The following CDH13 variants were observed in gnomAD, a reference collection of about 807,000 sequenced individuals.
The protein encoded by CDH13 is cadherin-13.
A neutral mutation model predicts 63.8 loss-of-function variants in CDH13; 24 were observed. The ratio of observed to expected loss-of-function variants is 0.38; its 90% CI spans 0.27 to 0.53. The LOEUF (loss-of-function observed/expected upper bound fraction) is 0.53, where lower values mean the gene tolerates loss of function less well. Ranked by LOEUF, CDH13 falls within the 20% of genes least tolerant of loss-of-function variation. The pLI is 0.85. For synonymous variants in CDH13, 503 were observed against 355.3 expected, an observed-to-expected ratio of 1.42 and a Z score of -4.67; for missense variants, 1,049 against 903.1, an observed-to-expected ratio of 1.16 and a Z score of -2.07.
In CDH13 at chr16:83,443,716, AAAAAAAAAAAAAAAAAAAAAT is replaced by A. The variant is rs1177404663; in HGVS notation, c.782-42759_782-42739del. 3.3e-3 allele frequency among the ~76,000 whole-genome samples: 308 copies of A among 92,968 alleles called. 3 individuals are homozygous for A. The highest frequency in any genetic ancestry group is 9.4e-3 in the South Asian group (26 of 2,756). The allele number at this position is 92,968 out of a possible 152,430, so 61.0% of individuals were successfully genotyped here. A position where few individuals can be genotyped will look rare whatever the true frequency, so the allele number is the denominator to read the frequency against. Reference sequence around the variant, plus strand: ...TGCGAAGTCCCTACGAAAAAAAAAAAAAAAAAAAAAAAAAAAAAAATATATATATATATATATATATATATA... The same window carrying A: ...TGCGAAGTCCCTACGAAAAAAAAAAAATATATATATATATATATATATATA... On this transcript the variant is annotated intron_variant, in intron 6 of 13. Coordinates refer to ENST00000567109, the MANE Select transcript of CDH13 (RefSeq NM_001257.5).
chr16:83,794,903 G>GAA (rs1904274821), intron 13 of CDH13, 120 bp from the exon 14 acceptor site: 6 of 886,982 alleles, frequency 6.8e-6, no homozygotes, highest in Middle Eastern at 2.1e-4. Context: ...TTCCCCCATA[G>GAA]TCGTGTGATG....
intron 13 of CDH13, among the ~76,000 whole-genome samples, chr16:83,793,065 G>A (rs1916378181): frequency 6.6e-6 from 1 of 152,168 alleles, no homozygotes; most frequent in African/African-American, 2.4e-5. Flanking sequence ...AGAAAAATGA[G>A]TACACAGCAC....
At chr16:83,032,335 GT>G in intron 3 of CDH13, 117 bp downstream of exon 3, 1 of 776,250 alleles carries the variant, frequency 1.3e-6, no homozygotes, top group Non-Finnish European at 2.0e-6. Context: ...TGTTATTGTT[GT>G]TGCAAATGAC....
chr16:83,043,646 G>T (rs1373739600), intron 3 of CDH13, among the ~76,000 whole-genome samples: 1 of 151,754 alleles, frequency 6.6e-6, no homozygotes, highest in African/African-American at 2.4e-5. Context: ...ATCACTTGAG[G>T]CCCGGAGTTT....
At chr16:82,880,280 T>C (rs879314241) in intron 2 of CDH13, among the ~76,000 whole-genome samples, 10 of 152,132 alleles carry the variant, frequency 6.6e-5, no homozygotes, top group Non-Finnish European at 1.3e-4. Context: ...AAACCGGCTT[T>C]CAGCAAGCTA....
At chr16:83,134,930 G>T (rs2036217295) in intron 4 of CDH13, among the ~76,000 whole-genome samples, 1 of 152,042 alleles carries the variant, frequency 6.6e-6, no homozygotes, top group South Asian at 2.1e-4. Flanking sequence ...CACCCTTTCG[G>T]TTCTCCATTT....
intron 10 of CDH13, among the ~76,000 whole-genome samples, chr16:83,701,287 A>T (rs1250793365): frequency 1.3e-5 from 2 of 152,230 alleles, no homozygotes; most frequent in Admixed American, 1.3e-4. Context: ...GGGCAGCCGA[A>T]TGGGGCCATC....
chr16:83,746,816 G>T (rs1047174878), intron 10 of CDH13, among the ~76,000 whole-genome samples: 1 of 152,184 alleles, frequency 6.6e-6, no homozygotes, highest in African/African-American at 2.4e-5. Flanking sequence ...GCTGAGTCAT[G>T]CCCAGTTGAG....
intron 7 of CDH13, among the ~76,000 whole-genome samples, chr16:83,560,289 A>G (rs1448453222): frequency 6.6e-6 from 1 of 152,216 alleles, no homozygotes; most frequent in African/African-American, 2.4e-5. Context: ...ACCTAATGCT[A>G]CAAAGATAAA....
chr16:82,992,789 A>G (rs986231541), intron 2 of CDH13, among the ~76,000 whole-genome samples: 2 of 152,230 alleles, frequency 1.3e-5, no homozygotes, highest in South Asian at 2.1e-4. Context: ...TGACCCCATA[A>G]AAATTAAGCA....
chr16:83,503,318 C>G (rs1342739566), intron 7 of CDH13, among the ~76,000 whole-genome samples: 1 of 152,174 alleles, frequency 6.6e-6, no homozygotes, highest in Non-Finnish European at 1.5e-5. Flanking sequence ...ATTAGGAAAG[C>G]CTTGAGTTTG....
intron 6 of CDH13, among the ~76,000 whole-genome samples, chr16:83,470,257 A>G (rs894657989): frequency 3.9e-5 from 6 of 152,216 alleles, no homozygotes; most frequent in Middle Eastern, 3.4e-3. Flanking sequence ...GTGTCTCACC[A>G]TGTTGCCCAG....
intron 3 of CDH13, among the ~76,000 whole-genome samples, chr16:83,099,092 A>C (rs2034347120): frequency 6.6e-6 from 1 of 152,260 alleles, no homozygotes; most frequent in Middle Eastern, 3.4e-3. Context: ...CCACACACAC[A>C]TACATAAAGA....
chr16:82,996,450 C>G (rs1438841137), intron 2 of CDH13, among the ~76,000 whole-genome samples: 3 of 152,084 alleles, frequency 2.0e-5, no homozygotes, highest in African/African-American at 4.8e-5. Flanking sequence ...CAGCATGGTC[C>G]TGCTTTATCT....
At chr16:83,390,223 A>G (rs886088793) in intron 6 of CDH13, among the ~76,000 whole-genome samples, 1 of 152,200 alleles carries the variant, frequency 6.6e-6, no homozygotes, top group African/African-American at 2.4e-5. Flanking sequence ...CTTTGAATGC[A>G]TACATTATGG....
intron 2 of CDH13, among the ~76,000 whole-genome samples, chr16:82,970,789 C>G (rs17744703): frequency 2.6e-5 from 4 of 152,036 alleles, no homozygotes; most frequent in Non-Finnish European, 2.9e-5. Flanking sequence ...TATTATTTCC[C>G]TATTAGAGCA....
chr16:83,463,647 T>TA (rs2073235981), intron 6 of CDH13, among the ~76,000 whole-genome samples: 1 of 152,076 alleles, frequency 6.6e-6, no homozygotes, highest in African/African-American at 2.4e-5. Flanking sequence ...ATAAAAATTT[T>TA]AAAAATTTAA....
intron 1 of CDH13, among the ~76,000 whole-genome samples, chr16:82,753,048 T>G (rs1182239386): frequency 6.6e-6 from 1 of 152,218 alleles, no homozygotes; most frequent in Non-Finnish European, 1.5e-5. Context: ...GCATGTAATG[T>G]CTAATAACAT....
At chr16:83,367,018 A>G (rs1464155832) in intron 6 of CDH13, among the ~76,000 whole-genome samples, 1 of 152,122 alleles carries the variant, frequency 6.6e-6, no homozygotes, top group Non-Finnish European at 1.5e-5. Context: ...ATATAATTCA[A>G]TGTTTTTTGG....
Sources: gnomAD v4.1 joint callset for allele counts (sites outside exome capture counted in the v4.1 genomes callset) on GRCh38, gnomAD v4.1.1 for gene constraint, MANE v1.5 for transcripts, NCBI Gene and HGNC (gene_info 2026-07-23, HGNC 2026-07-21) for gene names.